PDZRN3: variants seen among roughly 807,000 people sequenced by gnomAD.
The protein encoded by PDZRN3 is E3 ubiquitin-protein ligase PDZRN3.
Under a neutral mutation model 85.7 loss-of-function variants are expected in PDZRN3, and 38 were observed. The observed-to-expected ratio is 0.44, with a 90% CI of 0.34 to 0.58. PDZRN3 has a LOEUF of 0.58. Ranked by LOEUF, PDZRN3 falls within the 20% of genes least tolerant of loss-of-function variation. The pLI, the probability that PDZRN3 is intolerant of heterozygous loss-of-function variation, is 0.01. For missense variants in PDZRN3, 1,629 were observed against 1,506.4 expected (o/e 1.08, Z -1.35); for synonymous variants, 759 against 638.0 (o/e 1.19, Z -2.86).
chr3:73,574,518 G>T (rs1434739996), intron 3 of PDZRN3, among the ~76,000 whole-genome samples: 2 of 151,858 alleles, frequency 1.3e-5, no homozygotes, highest in Non-Finnish European at 2.9e-5. Flanking sequence ...GAGGGCACTG[G>T]TGCAACCTCA....
chr3:73,391,173 A>G (rs1056103944), intron 5 of PDZRN3, 57 bp from the exon 6 acceptor site: 13 of 1,012,860 alleles, frequency 1.3e-5, no homozygotes, highest in Non-Finnish European at 2.0e-5. Flanking sequence ...AGTTGAGGGG[A>G]TGTCAAATGC....
At chr3:73,537,059 C>T (rs1051843258) in intron 3 of PDZRN3, among the ~76,000 whole-genome samples, 10 of 152,208 alleles carry the variant, frequency 6.6e-5, no homozygotes, top group Non-Finnish European at 1.5e-4. Flanking sequence ...CTCACTGATG[C>T]TGCTCTGGGC....
chr3:73,392,993 C>T (rs1701558976), intron 5 of PDZRN3, among the ~76,000 whole-genome samples: 1 of 152,066 alleles, frequency 6.6e-6, no homozygotes, highest in Admixed American at 6.6e-5. Context: ...AACACATCCC[C>T]CTGTCTCTCT....
At chr3:73,409,302 T>A (rs1416900806) in intron 3 of PDZRN3, among the ~76,000 whole-genome samples, 1 of 152,166 alleles carries the variant, frequency 6.6e-6, no homozygotes, top group Non-Finnish European at 1.5e-5. Flanking sequence ...CCGGGTTCAA[T>A]TTGGGCCGGA....
chr3:73,557,568 C>T (rs189960417), intron 3 of PDZRN3, among the ~76,000 whole-genome samples: 3 of 152,176 alleles, frequency 2.0e-5, no homozygotes, highest in African/African-American at 4.8e-5. Flanking sequence ...AACTAACGGC[C>T]GTAAATAACA....
At chr3:73,582,289 T>C (rs961093033) in intron 3 of PDZRN3, among the ~76,000 whole-genome samples, 4 of 152,152 alleles carry the variant, frequency 2.6e-5, no homozygotes, top group South Asian at 2.1e-4. Flanking sequence ...GTTTCAATGA[T>C]TGTGGCAACT....
chr3:73,538,403 TA>T (rs1369350366), intron 3 of PDZRN3, among the ~76,000 whole-genome samples: 1 of 152,174 alleles, frequency 6.6e-6, no homozygotes, highest in Non-Finnish European at 1.5e-5. Context: ...ATAATACTCC[TA>T]AAAAAGTCAG....
At chr3:73,470,280 T>C (rs1238342993) in intron 3 of PDZRN3, among the ~76,000 whole-genome samples, 1 of 152,196 alleles carries the variant, frequency 6.6e-6, no homozygotes, top group African/African-American at 2.4e-5. Flanking sequence ...ACAAATTAAA[T>C]ATAGTAAGTG....
chr3:73,452,589 A>G (rs1702885339), intron 3 of PDZRN3, among the ~76,000 whole-genome samples: 1 of 152,144 alleles, frequency 6.6e-6, no homozygotes, highest in African/African-American at 2.4e-5. Flanking sequence ...GGCTTCCAGG[A>G]TCATCTCATC....
At position 73,384,580 on chromosome 3, in the gene PDZRN3, G is replaced by A. The variant is rs142044798; in HGVS notation, c.1986C>T (p.Tyr662=). 1.4e-5 allele frequency: 22 copies of A among 1,613,612 alleles called. No individual in the cohort carries two copies. The highest frequency in any genetic ancestry group is 5.5e-5 in the South Asian group (5 of 91,090). The change falls in exon 10 of 10, where the codon TAC becomes TAT. Residue 662 remains tyrosine (Y), a synonymous_variant. Transcript: ENST00000263666. ...GGGGGCCGCTAGGGTAGTACAGGCC[G>A]TAAGGGGTGGCGCTCTTCACCTGGC... ...LKCQVKSATP[Y]GLYYPSGPLD...
chr3:73,542,428 A>G (rs1327562208), intron 3 of PDZRN3, among the ~76,000 whole-genome samples: 1 of 152,214 alleles, frequency 6.6e-6, no homozygotes, highest in Non-Finnish European at 1.5e-5. Context: ...TTTATAGGTT[A>G]AATGTAAACA....
At chr3:73,482,479 C>T (rs974501414) in intron 3 of PDZRN3, among the ~76,000 whole-genome samples, 3 of 152,180 alleles carry the variant, frequency 2.0e-5, no homozygotes, top group East Asian at 1.9e-4. Context: ...TTCATCTAGG[C>T]GTCTCAGAAT....
chr3:73,511,749 C>T (rs542146166), intron 3 of PDZRN3, among the ~76,000 whole-genome samples: 56 of 152,332 alleles, frequency 3.7e-4, no homozygotes, highest in Admixed American at 1.9e-3. Flanking sequence ...CAAGGACTGG[C>T]GGCCGCATCT....
intron 3 of PDZRN3, among the ~76,000 whole-genome samples, chr3:73,580,450 A>G (rs1702184073): frequency 6.6e-6 from 1 of 152,232 alleles, no homozygotes; most frequent in African/African-American, 2.4e-5. Context: ...AGAGGCAAAC[A>G]CGCCAGCATC....
intron 3 of PDZRN3, among the ~76,000 whole-genome samples, chr3:73,542,303 T>C (rs1704942396): frequency 6.6e-6 from 1 of 152,180 alleles, no homozygotes; most frequent in Non-Finnish European, 1.5e-5. Flanking sequence ...ATACAAGGAT[T>C]GTTTGTTTAC....
At chr3:73,422,693 G>T (rs919355684) in intron 3 of PDZRN3, among the ~76,000 whole-genome samples, 1 of 152,164 alleles carries the variant, frequency 6.6e-6, no homozygotes, top group African/African-American at 2.4e-5. Flanking sequence ...TTTCTCAGTG[G>T]TGGTTGACTC....
chr3:73,483,683 C>T (rs978221559), intron 3 of PDZRN3, among the ~76,000 whole-genome samples: 2 of 152,158 alleles, frequency 1.3e-5, no homozygotes, highest in African/African-American at 4.8e-5. Flanking sequence ...AATCAGTGAA[C>T]AGGTGAGGTG....
At chr3:73,524,409 CCT>C (rs1487532551) in intron 3 of PDZRN3, among the ~76,000 whole-genome samples, 3 of 152,174 alleles carry the variant, frequency 2.0e-5, no homozygotes, top group Admixed American at 6.5e-5. Flanking sequence ...TTTCAAGTTC[CCT>C]CTGAGTAACA....
chr3:73,569,846 T>C (rs1363636328), intron 3 of PDZRN3, among the ~76,000 whole-genome samples: 1 of 152,156 alleles, frequency 6.6e-6, no homozygotes, highest in African/African-American at 2.4e-5. Context: ...ATCTTGGCCA[T>C]CTCTTAAACA....
Sources: gnomAD v4.1 joint callset for allele counts (sites outside exome capture counted in the v4.1 genomes callset) on GRCh38, gnomAD v4.1.1 for gene constraint, MANE v1.5 for transcripts, NCBI Gene and HGNC (gene_info 2026-07-23, HGNC 2026-07-21) for gene names.